GPRC5A: variants seen among roughly 807,000 people sequenced by gnomAD.
GPRC5A encodes the protein retinoic acid-induced protein 3.
A neutral mutation model predicts 22.5 loss-of-function variants in GPRC5A; 19 were observed. The observed-to-expected ratio is 0.85, with a 90% CI of 0.59 to 1.24. The LOEUF is 1.24. Ranked by LOEUF, GPRC5A falls within the 50% of genes most tolerant of loss-of-function variation. The pLI is 0.00. For missense variants in GPRC5A, 471 were observed against 451.1 expected (o/e 1.04, Z -0.40); for synonymous variants, 192 against 184.5 (o/e 1.04, Z -0.33).
At chr12:12,897,925 A>G (rs993502995) in intron 1 of GPRC5A, among the ~76,000 whole-genome samples, 1 of 151,108 alleles carries the variant, frequency 6.6e-6, no homozygotes, top group East Asian at 2.0e-4. Context: ...TTTCTTTTTA[A>G]CCTCCTTTGC....
chr12:12,902,858 G>A (rs1426586470), intron 1 of GPRC5A, among the ~76,000 whole-genome samples: 1 of 152,088 alleles, frequency 6.6e-6, no homozygotes, highest in Non-Finnish European at 1.5e-5. Context: ...AGCTGAGGTC[G>A]GGTATTTGAG....
chr12:12,895,727 C>G (rs1984438), intron 1 of GPRC5A, among the ~76,000 whole-genome samples: 11,849 of 149,004 alleles, frequency 0.08, 602 homozygotes, highest in East Asian at 0.17. Context: ...CCTGTAATCC[C>G]AGCACTTTGG....
intron 2 of GPRC5A, among the ~76,000 whole-genome samples, chr12:12,910,216 C>A (rs1863990037): frequency 6.6e-6 from 1 of 152,098 alleles, no homozygotes; most frequent in African/African-American, 2.4e-5. Flanking sequence ...TGCTCTTAAG[C>A]CTGAGGTGTG....
At chr12:12,893,963 T>C (rs1318262427) in intron 1 of GPRC5A, among the ~76,000 whole-genome samples, 20 of 152,192 alleles carry the variant, frequency 1.3e-4, no homozygotes, top group Non-Finnish European at 4.4e-5. Context: ...GGTTTCACCA[T>C]GTTGGCCAGA....
chr12:12,893,016 G>T (rs1179746851), intron 1 of GPRC5A, among the ~76,000 whole-genome samples: 6 of 152,226 alleles, frequency 3.9e-5, no homozygotes, highest in Non-Finnish European at 8.8e-5. Flanking sequence ...TGGGAAACAA[G>T]GGACCTCTCC....
At chr12:12,902,862 A>G (rs1863904049) in intron 1 of GPRC5A, among the ~76,000 whole-genome samples, 1 of 152,134 alleles carries the variant, frequency 6.6e-6, no homozygotes, top group African/African-American at 2.4e-5. Flanking sequence ...GAGGTCGGGT[A>G]TTTGAGACCA....
intron 3 of GPRC5A, 85 bp from the exon 4 acceptor site, chr12:12,912,362 G>A (rs1864013804): frequency 1.0e-6 from 1 of 968,644 alleles, no homozygotes; most frequent in East Asian, 2.4e-5. Flanking sequence ...GAAAGGGAAG[G>A]AAATGAGACT....
At chr12:12,902,346 G>GTT (rs34936618) in intron 1 of GPRC5A, among the ~76,000 whole-genome samples, 105 of 145,870 alleles carry the variant, frequency 7.2e-4, no homozygotes, top group African/African-American at 1.7e-3. Context: ...GACTAAGATG[G>GTT]TTTTTTTTTT....
Position 12,914,594 on chromosome 12 carries a change from T to TTCTTTCTTTCTTTCTCTCTCTC in GPRC5A, c.*2058_*2059insTTCTTTCTTTCTCTCTCTCTCT, listed in dbSNP as rs59721062. On this transcript the variant is annotated 3_prime_UTR_variant, in exon 4 of 4. Transcript: ENST00000014914. ...TTTCTTTCTTTCTTTCTTTCTTTCT[T>TTCTTTCTTTCTTTCTCTCTCTC]TCTCTCTCTCTCTCTCTCTCTCTTT... The TTCTTTCTTTCTTTCTCTCTCTC allele has an allele frequency of 3.2e-4, 26 of 81,578 alleles. No homozygotes were observed. The highest frequency in any genetic ancestry group is 9.6e-4 in the African/African-American group (15 of 15,588). 5.1% of individuals were successfully genotyped at this position (81,578 alleles called of 1,614,324 possible). A position where few individuals can be genotyped will look rare whatever the true frequency, so the allele number is the denominator to read the frequency against.
rs1171277520 is a variant in GPRC5A, at chr12:12,912,708, G to T, written c.*169G>T. On this transcript the variant is annotated 3_prime_UTR_variant, in exon 4 of 4. Coordinates refer to ENST00000014914, the MANE Select transcript of GPRC5A (RefSeq NM_003979.4). ...AATTCTTCCATGCTGGGGCTGATGT[G>T]GGCTAGTAAGACTCCAGTTCTTAGA... The T allele has an allele frequency of 1.2e-5, 7 of 570,116 alleles. No individual in the cohort carries two copies. The highest frequency in any genetic ancestry group is 1.9e-5 in the African/African-American group (1 of 52,578). The allele number at this position is 570,116 out of a possible 1,614,324, so 35.3% of individuals were successfully genotyped here.
intron 1 of GPRC5A, among the ~76,000 whole-genome samples, chr12:12,898,420 A>G (rs564861731): frequency 2.4e-4 from 36 of 152,176 alleles, no homozygotes; most frequent in African/African-American, 8.2e-4. Flanking sequence ...TGTCCCAGCT[A>G]TTCAGGAGGC....
rs144308510 is a variant in GPRC5A, at chr12:12,913,485, A to T, written c.*946A>T. 4 of 152,248 alleles carry T rather than the reference A, an allele frequency of 2.6e-5. No individual in the cohort carries two copies. The highest frequency in any genetic ancestry group is 7.2e-5 in the African/African-American group (3 of 41,466). The allele number at this position is 152,248 out of a possible 1,614,324, so 9.4% of individuals were successfully genotyped here. A position where few individuals can be genotyped will look rare whatever the true frequency, so the allele number is the denominator to read the frequency against. ...TTCTCACTTCAAATTCCTGGGGCTG[A>T]TACTTCTCTCATCTTGCACCCCAAC... On this transcript the variant is annotated 3_prime_UTR_variant, in exon 4 of 4. Coordinates refer to ENST00000014914, the MANE Select transcript of GPRC5A (RefSeq NM_003979.4).
intron 2 of GPRC5A, among the ~76,000 whole-genome samples, chr12:12,911,102 A>C (rs1863999304): frequency 6.6e-6 from 1 of 151,938 alleles, no homozygotes; most frequent in South Asian, 2.1e-4. Context: ...CGAACTCCTG[A>C]CCTCATGATC....
intron 1 of GPRC5A, among the ~76,000 whole-genome samples, chr12:12,901,762 C>CA (rs34748296): frequency 0.028 from 2,401 of 85,494 alleles, 41 homozygotes; most frequent in African/African-American, 0.042. Flanking sequence ...ACTTGGGCAT[C>CA]AAAAAAAAAA....
chr12:12,909,933 T>C (rs1052429153), intron 2 of GPRC5A: 1 of 131,200 alleles, frequency 7.6e-6, no homozygotes, highest in African/African-American at 3.0e-5. Flanking sequence ...ACTTCATCTC[T>C]ATTTAAAAAA....
rs372144294 is a variant in GPRC5A, at chr12:12,908,842, C to G, written c.593C>G (p.Thr198Ser). 2 of 1,614,062 alleles carry G rather than the reference C, an allele frequency of 1.2e-6. No homozygotes were observed. The highest frequency in any genetic ancestry group is 2.7e-5 in the African/African-American group (2 of 74,932). ...MALTFLMSSFTFCGSFTGWKR... is the reference protein window; with the variant it reads ...MALTFLMSSFSFCGSFTGWKR... ...CTGACCTTCCTCATGTCCTCCTTCA[C>G]CTTCTGTGGTTCCTTCACGGGCTGG... Residue 198 changes from threonine (T) to serine (S), a missense_variant, in exon 2 of 4, where the codon ACC (threonine) becomes AGC (serine). Coordinates refer to ENST00000014914, the MANE Select transcript of GPRC5A (RefSeq NM_003979.4).
At chr12:12,907,182 A>G (rs1286854359) in intron 1 of GPRC5A, among the ~76,000 whole-genome samples, 1 of 151,916 alleles carries the variant, frequency 6.6e-6, no homozygotes, top group Non-Finnish European at 1.5e-5. Context: ...CTGTAGAAAA[A>G]TCTGCTATTC....
At chr12:12,900,983 T>C (rs1592348598) in intron 1 of GPRC5A, among the ~76,000 whole-genome samples, 2 of 149,812 alleles carry the variant, frequency 1.3e-5, no homozygotes, top group East Asian at 3.9e-4. Flanking sequence ...CTTTCTTTCA[T>C]GCCTAGATTC....
rs1555105848 is a variant in GPRC5A at position 12,914,596 on chromosome 12, C to CTTTCTTTCTG, written c.*2058_*2059insTTCTTTCTGT. On this transcript the variant is annotated 3_prime_UTR_variant, in exon 4 of 4. Transcript: ENST00000014914. ...TCTTTCTTTCTTTCTTTCTTTCTTT[C>CTTTCTTTCTG]TCTCTCTCTCTCTCTCTCTCTTTCT... The CTTTCTTTCTG allele has an allele frequency of 8.9e-5, 9 of 101,062 alleles. No homozygotes were observed. The highest frequency in any genetic ancestry group is 1.2e-4 in the African/African-American group (3 of 24,080). The allele number at this position is 101,062 out of a possible 1,614,324, so 6.3% of individuals were successfully genotyped here. A position where few individuals can be genotyped will look rare whatever the true frequency, so the allele number is the denominator to read the frequency against.
Sources: allele counts gnomAD v4.1 joint callset (sites outside exome capture counted in the v4.1 genomes callset), GRCh38; gene constraint gnomAD v4.1.1; transcripts MANE v1.5; gene names NCBI Gene and HGNC (gene_info 2026-07-23, HGNC 2026-07-21).